The following GALNTL6 variants were observed in gnomAD, a reference collection of about 807,000 sequenced individuals.
The protein encoded by GALNTL6 is polypeptide N-acetylgalactosaminyltransferase like 6.
Under a neutral mutation model 73.7 loss-of-function variants are expected in GALNTL6, and 46 were observed. That is an observed-to-expected ratio of 0.62 (90% confidence interval 0.49 to 0.80). GALNTL6 has a LOEUF of 0.80. GALNTL6 is among the 30% of genes least tolerant of loss of function. The probability of loss-of-function intolerance (pLI) is 0.00; values close to 1 mark genes in which losing one functional copy is unlikely to be tolerated. For missense variants in GALNTL6, 604 were observed against 755.0 expected (o/e 0.80, Z 2.34); for synonymous variants, 259 against 263.7 (o/e 0.98, Z 0.17).
intron 5 of GALNTL6, among the ~76,000 whole-genome samples, chr4:172,648,743 G>A (rs917233683): frequency 8.5e-5 from 13 of 152,152 alleles, no homozygotes; most frequent in African/African-American, 2.2e-4. Context: ...TCCAACTGAC[G>A]CCTTTGCTAT....
intron 7 of GALNTL6, among the ~76,000 whole-genome samples, chr4:172,855,222 G>C (rs531163537): frequency 6.7e-6 from 1 of 148,578 alleles, no homozygotes; most frequent in South Asian, 2.1e-4. Flanking sequence ...GAAACACACA[G>C]AGAATGGTTT....
chr4:171,951,808 TAG>T (rs1424012311), intron 2 of GALNTL6, among the ~76,000 whole-genome samples: 1 of 152,002 alleles, frequency 6.6e-6, no homozygotes, highest in Non-Finnish European at 1.5e-5. Context: ...CTTCTACTAA[TAG>T]TATAGAACTT....
At chr4:172,171,224 G>A (rs1178977304) in intron 2 of GALNTL6, among the ~76,000 whole-genome samples, 2 of 152,116 alleles carry the variant, frequency 1.3e-5, no homozygotes, top group African/African-American at 4.8e-5. Flanking sequence ...GATTTTCAAA[G>A]TGAAGGTTAT....
intron 2 of GALNTL6, among the ~76,000 whole-genome samples, chr4:172,098,087 T>A (rs1732408510): frequency 6.6e-6 from 1 of 152,110 alleles, no homozygotes; most frequent in African/African-American, 2.4e-5. Context: ...TAATCTGTAT[T>A]AGAAAGCAAA....
chr4:172,754,743 G>T (rs955979592), intron 5 of GALNTL6, among the ~76,000 whole-genome samples: 1 of 151,348 alleles, frequency 6.6e-6, no homozygotes, highest in African/African-American at 2.4e-5. Flanking sequence ...CAGTTCTTTT[G>T]CTAAATACTA....
At chr4:171,923,828 T>TGTGTGTGTGTGTGTGTGTGTGTG (rs1737882530) in intron 2 of GALNTL6, among the ~76,000 whole-genome samples, 1 of 60,828 alleles carries the variant, frequency 1.6e-5, no homozygotes, top group African/African-American at 8.6e-5. Flanking sequence ...GTGTGTGTGT[T>TGTGTGTGTGTGTGTGTGTGTGTG]TGAAGTTCTT....
intron 2 of GALNTL6, among the ~76,000 whole-genome samples, chr4:172,060,789 A>T (rs75745329): frequency 0.025 from 3,734 of 152,288 alleles, 160 homozygotes; most frequent in African/African-American, 0.08. Context: ...ACTACATAGA[A>T]ATAACATTTT....
At chr4:172,098,133 A>G (rs1051585178) in intron 2 of GALNTL6, among the ~76,000 whole-genome samples, 5 of 152,160 alleles carry the variant, frequency 3.3e-5, no homozygotes, top group Non-Finnish European at 7.4e-5. Context: ...TGTATTAAAA[A>G]TGTTTAGGGA....
intron 2 of GALNTL6, among the ~76,000 whole-genome samples, chr4:172,093,296 A>C (rs1050757674): frequency 6.6e-6 from 1 of 151,832 alleles, no homozygotes; most frequent in African/African-American, 2.4e-5. Context: ...TTTTCCCCCT[A>C]CTGCTTATAA....
At chr4:172,766,354 T>A (rs73869639) in intron 5 of GALNTL6, among the ~76,000 whole-genome samples, 11,547 of 152,238 alleles carry the variant, frequency 0.076, 609 homozygotes, top group African/African-American at 0.14. Flanking sequence ...ATTTGAAGTA[T>A]TTTATGCATT....
chr4:172,025,580 C>T (rs1303656293), intron 2 of GALNTL6, among the ~76,000 whole-genome samples: 2 of 152,094 alleles, frequency 1.3e-5, no homozygotes, highest in African/African-American at 2.4e-5. Flanking sequence ...CCAACTAGCA[C>T]ATGAAGGTTT....
chr4:172,424,017 T>A (rs76540857), intron 5 of GALNTL6, among the ~76,000 whole-genome samples: 21,290 of 151,950 alleles, frequency 0.14, 1,639 homozygotes, highest in Non-Finnish European at 0.19. Context: ...ACATATTTAA[T>A]GTATACAAAA....
chr4:172,348,377 A>G, intron 4 of GALNTL6, 146 bp from the exon 5 acceptor site: 1 of 559,734 alleles, frequency 1.8e-6, no homozygotes, highest in Non-Finnish European at 3.1e-6. Context: ...GAGCAGGATA[A>G]CAATCATGCT....
intron 5 of GALNTL6, among the ~76,000 whole-genome samples, chr4:172,618,988 C>A (rs1738850994): frequency 6.6e-6 from 1 of 152,146 alleles, no homozygotes; most frequent in Non-Finnish European, 1.5e-5. Context: ...TTCCAAGGTG[C>A]TGGGATTACA....
intron 2 of GALNTL6, among the ~76,000 whole-genome samples, chr4:172,093,238 G>T (rs1049159148): frequency 9.9e-5 from 15 of 152,048 alleles, no homozygotes; most frequent in African/African-American, 3.4e-4. Flanking sequence ...GACTACACAC[G>T]ATAAGATTTT....
intron 2 of GALNTL6, among the ~76,000 whole-genome samples, chr4:172,091,378 C>T (rs953495699): frequency 1.3e-5 from 2 of 152,102 alleles, no homozygotes; most frequent in African/African-American, 4.8e-5. Flanking sequence ...CTTTGTAATA[C>T]CTTTATGAAT....
chr4:171,986,418 C>T (rs1740088670), intron 2 of GALNTL6, among the ~76,000 whole-genome samples: 1 of 152,124 alleles, frequency 6.6e-6, no homozygotes, highest in Non-Finnish European at 1.5e-5. Flanking sequence ...TGTGTACGTG[C>T]AGGTCACAGG....
At chr4:172,528,150 C>CA (rs1735024983) in intron 5 of GALNTL6, among the ~76,000 whole-genome samples, 1 of 151,134 alleles carries the variant, frequency 6.6e-6, no homozygotes, top group African/African-American at 2.4e-5. Context: ...TTTCACAGTT[C>CA]AAAAAGAATA....
chr4:172,851,785 G>C (rs1168847357), intron 7 of GALNTL6, among the ~76,000 whole-genome samples: 1 of 152,172 alleles, frequency 6.6e-6, no homozygotes, highest in African/African-American at 2.4e-5. Flanking sequence ...GGCATCCAAA[G>C]AGACTCATCT....
Sources: gnomAD v4.1 joint callset for allele counts (sites outside exome capture counted in the v4.1 genomes callset) on GRCh38, gnomAD v4.1.1 for gene constraint, MANE v1.5 for transcripts, NCBI Gene and HGNC (gene_info 2026-07-23, HGNC 2026-07-21) for gene names.